PUM2: variants seen among roughly 807,000 people sequenced by gnomAD.
The protein encoded by PUM2 is pumilio homolog 2.
In PUM2, 57 loss-of-function variants were observed where a neutral mutation model predicts 124.5. The observed-to-expected ratio is 0.46, with a 90% CI of 0.37 to 0.57. The LOEUF (loss-of-function observed/expected upper bound fraction) is 0.57. PUM2 is among the 20% of genes least tolerant of loss of function. The pLI is 0.00. For synonymous variants in PUM2, 460 were observed against 446.1 expected (o/e 1.03, Z -0.39); for missense variants, 1,065 against 1,290.6 (o/e 0.83, Z 2.68).
chr2:20,323,011 G>C (rs908608407), intron 2 of PUM2, among the ~76,000 whole-genome samples: 17 of 152,252 alleles, frequency 1.1e-4, no homozygotes, highest in Middle Eastern at 3.4e-3. Flanking sequence ...CTTCCAACAG[G>C]AAGTAGTACT....
intron 3 of PUM2, among the ~76,000 whole-genome samples, chr2:20,314,142 C>G (rs1680326854): frequency 6.6e-6 from 1 of 151,932 alleles, no homozygotes; most frequent in African/African-American, 2.4e-5. Context: ...GACCCTGCTC[C>G]CCACTGCAAA....
intron 15 of PUM2, 107 bp from the exon 16 acceptor site, chr2:20,258,478 G>A: frequency 9.2e-7 from 1 of 1,087,152 alleles, no homozygotes; most frequent in Admixed American, 2.5e-5. Flanking sequence ...AACTATGTAG[G>A]GCAGGGGCTT....
At chr2:20,335,574 G>A (rs1393203632) in intron 1 of PUM2, among the ~76,000 whole-genome samples, 2 of 152,162 alleles carry the variant, frequency 1.3e-5, no homozygotes, top group African/African-American at 4.8e-5. Flanking sequence ...TCAACCAAGA[G>A]CTAAATCAAC....
intron 16 of PUM2, among the ~76,000 whole-genome samples, chr2:20,256,858 GCGACATGGCTC>G (rs1664897061): frequency 6.6e-6 from 1 of 151,718 alleles, no homozygotes; most frequent in Non-Finnish European, 1.5e-5. Context: ...ACCAGCCCGG[GCGACATGGCTC>G]CGATTACTAC....
intron 1 of PUM2, among the ~76,000 whole-genome samples, chr2:20,347,609 A>G (rs1448913520): frequency 6.6e-6 from 1 of 152,248 alleles, no homozygotes; most frequent in African/African-American, 2.4e-5. Context: ...TTAAAATATT[A>G]GCTCCTAAAT....
intron 1 of PUM2, among the ~76,000 whole-genome samples, chr2:20,347,453 CACCT>C (rs1289461056): frequency 3.3e-5 from 5 of 152,180 alleles, no homozygotes; most frequent in Non-Finnish European, 7.3e-5. Flanking sequence ...ATTTATCACG[CACCT>C]ACCTAATAAT....
intron 1 of PUM2, among the ~76,000 whole-genome samples, chr2:20,342,223 A>G (rs2149085605): frequency 6.6e-6 from 1 of 152,302 alleles, no homozygotes; most frequent in Middle Eastern, 3.4e-3. Context: ...AGACAACTGG[A>G]GAAAAATAAC....
intron 13 of PUM2, 44 bp downstream of exon 13, chr2:20,278,539 A>C: frequency 1.4e-6 from 2 of 1,432,402 alleles, no homozygotes; most frequent in Non-Finnish European, 1.9e-6. Flanking sequence ...AAACACACAT[A>C]CATGTATACA....
Position 20,297,572 on chromosome 2 carries a change from A to C in PUM2, c.990T>G (p.Ala330=), listed in dbSNP as rs745407645. 1.1e-5 allele frequency: 18 copies of C among 1,610,258 alleles called. No individual in the cohort carries two copies. In the African/African-American group the frequency reaches 2.1e-4, roughly 19 times the overall value. ...GTDPYTAAGL[A]AAATLAGPAV... Reference sequence around the variant, plus strand: ...TGTTACCTGCTAATGTAGCTGCTGCAGCCAATCCTGCTGCAGTATACGGAT... The same window carrying C: ...TGTTACCTGCTAATGTAGCTGCTGCCGCCAATCCTGCTGCAGTATACGGAT... Residue 330 remains alanine, a synonymous_variant, in exon 8 of 21, where the codon GCT becomes GCG. Transcript: ENST00000361078.
At chr2:20,292,720 C>T (rs1335166595) in intron 9 of PUM2, among the ~76,000 whole-genome samples, 12 of 152,096 alleles carry the variant, frequency 7.9e-5, no homozygotes, top group Admixed American at 1.3e-4. Flanking sequence ...CACCTGAGGT[C>T]GGGAGTTCAA....
At chr2:20,351,037 C>G (rs1204512842), upstream of PUM2, among the ~76,000 whole-genome samples, 1 of 152,220 alleles carries the variant, frequency 6.6e-6, no homozygotes, top group South Asian at 2.1e-4. Context: ...GTGCCCTCCC[C>G]CGCCCTCACC....
chr2:20,287,046 A>C (rs968537687), intron 10 of PUM2, among the ~76,000 whole-genome samples: 10 of 152,192 alleles, frequency 6.6e-5, no homozygotes, highest in African/African-American at 2.4e-4. Flanking sequence ...ATTGAAAAAC[A>C]AAAACAAAAA....
At chr2:20,312,192 ACT>A (rs1558618438) in intron 4 of PUM2, 42 bp downstream of exon 4, 2 of 1,485,434 alleles carry the variant, frequency 1.3e-6, no homozygotes, top group Non-Finnish European at 1.8e-6. Flanking sequence ...TAACCAAATA[ACT>A]CTCAAGCAAA....
chr2:20,262,778 A>C (rs943774273), intron 14 of PUM2, among the ~76,000 whole-genome samples: 1 of 152,244 alleles, frequency 6.6e-6, no homozygotes. Context: ...AAATTTTCCT[A>C]TAACAAATGT....
At chr2:20,341,764 T>C (rs1027687519) in intron 1 of PUM2, among the ~76,000 whole-genome samples, 1 of 152,212 alleles carries the variant, frequency 6.6e-6, no homozygotes, top group Non-Finnish European at 1.5e-5. Context: ...CACATGGCTA[T>C]CTTAGTAATT....
intron 10 of PUM2, among the ~76,000 whole-genome samples, chr2:20,284,118 G>T (rs954600156): frequency 2.0e-5 from 3 of 152,258 alleles, no homozygotes; most frequent in African/African-American, 7.2e-5. Flanking sequence ...ATTCTCTGTT[G>T]AACCAAAAAC....
intron 13 of PUM2, among the ~76,000 whole-genome samples, chr2:20,265,955 C>T (rs1298042060): frequency 6.6e-6 from 1 of 152,174 alleles, no homozygotes; most frequent in African/African-American, 2.4e-5. Flanking sequence ...TTGGTACCTC[C>T]CAAATATCCT....
intron 9 of PUM2, among the ~76,000 whole-genome samples, chr2:20,291,569 G>T (rs145114111): frequency 1.8e-4 from 28 of 152,242 alleles, no homozygotes; most frequent in African/African-American, 5.5e-4. Flanking sequence ...TGGAAGATTT[G>T]TACTTCCATT....
chr2:20,334,580 A>C (rs190707172), intron 1 of PUM2, among the ~76,000 whole-genome samples: 22 of 152,194 alleles, frequency 1.4e-4, no homozygotes, highest in African/African-American at 5.3e-4. Flanking sequence ...AATGAAAAAA[A>C]CCATATTTTA....
Sources: gnomAD v4.1 joint callset for allele counts (sites outside exome capture counted in the v4.1 genomes callset) on GRCh38, gnomAD v4.1.1 for gene constraint, MANE v1.5 for transcripts, NCBI Gene and HGNC (gene_info 2026-07-23, HGNC 2026-07-21) for gene names.